Variants in MYO1E observed in about 807,000 individuals in gnomAD.
MYO1E encodes unconventional myosin-Ie.
Under a neutral mutation model 151.1 loss-of-function variants are expected in MYO1E, and 68 were observed. That is an observed-to-expected ratio of 0.45 (90% CI 0.37 to 0.55). MYO1E has a LOEUF of 0.55. MYO1E is among the 20% of genes least tolerant of loss of function. The pLI, the probability that MYO1E is intolerant of heterozygous loss-of-function variation, is 0.00. For missense variants in MYO1E, 1,363 were observed against 1,389.3 expected (o/e 0.98, Z 0.30); for synonymous variants, 601 against 501.7 (o/e 1.20, Z -2.64).
At chr15:59,317,687 G>A (rs1306075143) in intron 1 of MYO1E, among the ~76,000 whole-genome samples, 3 of 152,206 alleles carry the variant, frequency 2.0e-5, no homozygotes, top group Non-Finnish European at 4.4e-5. Flanking sequence ...GTAAGAAAGG[G>A]AGGCAGAACT....
chr15:59,212,308 C>G (rs1162293504), intron 12 of MYO1E, among the ~76,000 whole-genome samples: 1 of 151,948 alleles, frequency 6.6e-6, no homozygotes, highest in Non-Finnish European at 1.5e-5. Context: ...AACCTCTAGC[C>G]TACCCCACCC....
chr15:59,171,716 A>G (rs1026980767), intron 22 of MYO1E, among the ~76,000 whole-genome samples, 181 bp downstream of exon 22: 1 of 152,202 alleles, frequency 6.6e-6, no homozygotes, highest in African/African-American at 2.4e-5. Flanking sequence ...TCTTCCTGAC[A>G]TATCAAGACT....
chr15:59,154,949 G>A lies in MYO1E; in HGVS notation c.2879-1158C>T, dbSNP rs192129305. Among the ~76,000 whole-genome samples the A allele has an allele frequency of 3.9e-5, 6 of 152,308 alleles. No individual in the cohort carries two copies. The East Asian group carries it at 1.2e-3, about 29-fold the overall frequency. On this transcript the variant is annotated intron_variant, in intron 25 of 27. Transcript: ENST00000288235. Reference sequence around the variant, plus strand: ...ATGTCTCTAGCAATTTCCTCCCACAGGCCGTCAGACCAGATCAGAACTAGA... The same window carrying A: ...ATGTCTCTAGCAATTTCCTCCCACAAGCCGTCAGACCAGATCAGAACTAGA...
chr15:59,360,405 T>C (rs539426923), intron 1 of MYO1E, among the ~76,000 whole-genome samples: 100 of 152,188 alleles, frequency 6.6e-4, no homozygotes, highest in African/African-American at 2.3e-3. Context: ...TTTCTTCACA[T>C]GGACAGCTCA....
At chr15:59,257,038 T>C (rs76768030) in intron 3 of MYO1E, among the ~76,000 whole-genome samples, 36 of 152,218 alleles carry the variant, frequency 2.4e-4, no homozygotes, top group African/African-American at 7.5e-4. Context: ...TGTGATTTCA[T>C]CTTATGGGAT....
At chr15:59,322,473 C>T (rs2080632934) in intron 1 of MYO1E, among the ~76,000 whole-genome samples, 1 of 152,186 alleles carries the variant, frequency 6.6e-6, no homozygotes. Context: ...AAACCCACAG[C>T]ATTTTTCACT....
At chr15:59,191,475 AGAAAAATGCAT>A (rs1355110530) in intron 17 of MYO1E, among the ~76,000 whole-genome samples, 1 of 152,170 alleles carries the variant, frequency 6.6e-6, no homozygotes, top group African/African-American at 2.4e-5. Context: ...TTCTCTAGTG[AGAAAAATGCAT>A]GAAAAATGCA....
chr15:59,140,067 TGTG>T (rs2079400475), intron 26 of MYO1E, among the ~76,000 whole-genome samples: 1 of 62,084 alleles, frequency 1.6e-5, no homozygotes, highest in Non-Finnish European at 2.9e-5. Flanking sequence ...AATTCTCTGT[TGTG>T]TGTGTGTGTG....
chr15:59,155,224 G>T (rs76115613), intron 25 of MYO1E, among the ~76,000 whole-genome samples: 2,735 of 152,316 alleles, frequency 0.018, 86 homozygotes, highest in African/African-American at 0.061. Flanking sequence ...CCACGATAAG[G>T]TCAGAAATGA....
intron 10 of MYO1E, among the ~76,000 whole-genome samples, chr15:59,216,414 A>T (rs7166649): frequency 0.094 from 14,197 of 151,698 alleles, 2,041 homozygotes; most frequent in African/African-American, 0.31. Flanking sequence ...TCTGGGCACT[A>T]ACATAGTTAG....
intron 1 of MYO1E, among the ~76,000 whole-genome samples, chr15:59,293,390 A>G (rs1314415454): frequency 6.6e-6 from 1 of 151,890 alleles, no homozygotes; most frequent in Admixed American, 6.6e-5. Context: ...TACTAAAAAT[A>G]CAAAAATTAG....
intron 2 of MYO1E, among the ~76,000 whole-genome samples, chr15:59,266,559 T>C (rs2080254935): frequency 6.6e-6 from 1 of 152,226 alleles, no homozygotes; most frequent in Non-Finnish European, 1.5e-5. Context: ...AACTGTCCTT[T>C]ATTCTTAGAT....
chr15:59,268,842 C>G (rs1339443548), intron 2 of MYO1E, among the ~76,000 whole-genome samples: 1 of 149,176 alleles, frequency 6.7e-6, no homozygotes, highest in East Asian at 2.0e-4. Context: ...ATAGTCCCTG[C>G]TTCTGGTGTT....
intron 17 of MYO1E, among the ~76,000 whole-genome samples, chr15:59,191,370 A>AGAGAGAGAGAGAGAGAGAG (rs1491073271): frequency 4.8e-4 from 59 of 123,360 alleles, no homozygotes; most frequent in African/African-American, 1.9e-3. Flanking sequence ...GAGAGAGAGA[A>AGAGAGAGAGAGAGAGAGAG]AGAAATGTCA....
At chr15:59,213,615 C>A (rs1318306348) in intron 12 of MYO1E, among the ~76,000 whole-genome samples, 1 of 148,324 alleles carries the variant, frequency 6.7e-6, no homozygotes, top group Non-Finnish European at 1.5e-5. Context: ...TATGCCACCA[C>A]GTCCAGCTAA....
At chr15:59,272,240 G>A in intron 2 of MYO1E, 66 bp downstream of exon 2, 1 of 1,580,382 alleles carries the variant, frequency 6.3e-7, no homozygotes, top group Non-Finnish European at 8.7e-7. Flanking sequence ...CCAGCATAAA[G>A]CCACAATTTA....
rs71977305 is a variant in MYO1E at position 59,196,986 on chromosome 15, C to CTTTTTTTTTTTTTTTTTTTTT, written c.1699-1440_1699-1420dup. ...ATTTTAGTTTTGTATTTAATTACGA[C>CTTTTTTTTTTTTTTTTTTTTT]TTTTTTTTTTTTTTTTTTTTTTTTG... On this transcript the variant is annotated intron_variant, in intron 16 of 27. Coordinates refer to ENST00000288235, the MANE Select transcript of MYO1E (RefSeq NM_004998.4). Among the ~76,000 whole-genome samples, 4 of 71,492 alleles carry CTTTTTTTTTTTTTTTTTTTTT rather than the reference C, an allele frequency of 5.6e-5. 1 individual carries two copies. The highest frequency in any genetic ancestry group is 4.9e-5 in the Non-Finnish European group (2 of 40,622). The allele number at this position is 71,492 out of a possible 152,430, so 46.9% of individuals were successfully genotyped here. A position where few individuals can be genotyped will look rare whatever the true frequency, so the allele number is the denominator to read the frequency against.
At chr15:59,309,113 CTAAAAA>C (rs1158187885) in intron 1 of MYO1E, among the ~76,000 whole-genome samples, 4 of 151,432 alleles carry the variant, frequency 2.6e-5, no homozygotes, top group Non-Finnish European at 5.9e-5. Flanking sequence ...GACCTTGTCT[CTAAAAA>C]TAAATTAAAA....
At chr15:59,276,435 G>A (rs117065190) in intron 1 of MYO1E, among the ~76,000 whole-genome samples, 167 of 152,232 alleles carry the variant, frequency 1.1e-3, no homozygotes, top group East Asian at 8.3e-3. Flanking sequence ...AGTGGCGGGC[G>A]TGCCAGCTAC....
Sources: gnomAD v4.1 joint callset for allele counts (sites outside exome capture counted in the v4.1 genomes callset) on GRCh38, gnomAD v4.1.1 for gene constraint, MANE v1.5 for transcripts, NCBI Gene and HGNC (gene_info 2026-07-23, HGNC 2026-07-21) for gene names.